The following LEF1 variants were observed in gnomAD, a reference collection of about 807,000 sequenced individuals.
The protein encoded by LEF1 is lymphoid enhancer binding factor 1, also known as lymphoid enhancer-binding factor 1.
LEF1 carries 14 observed loss-of-function variants against 51.2 expected under a neutral mutation model. That is an observed-to-expected ratio of 0.27 (90% CI 0.18 to 0.43). The LOEUF (loss-of-function observed/expected upper bound fraction) is 0.43, where lower values mean the gene tolerates loss of function less well. LEF1 is among the 20% of genes least tolerant of loss of function. The probability of loss-of-function intolerance (pLI) is 1.00; values close to 1 mark genes in which losing one functional copy is unlikely to be tolerated. For synonymous variants in LEF1, 185 were observed against 183.2 expected, an observed-to-expected ratio of 1.01 and a Z score of -0.08; for missense variants, 386 against 512.0, an observed-to-expected ratio of 0.75 and a Z score of 2.37.
chr4:108,097,525 G>T (rs1054106077), intron 3 of LEF1, among the ~76,000 whole-genome samples: 1 of 152,158 alleles, frequency 6.6e-6, no homozygotes, highest in African/African-American at 2.4e-5. Context: ...GCACAACAGC[G>T]TGACTATAGT....
At position 108,089,210 on chromosome 4, in the gene LEF1, G is replaced by T; in HGVS notation, c.462C>A (p.Leu154=). Residue 154 remains leucine (L), a synonymous_variant, in exon 4 of 12, where the codon CTC becomes CTA. Coordinates refer to ENST00000265165, the MANE Select transcript of LEF1 (RefSeq NM_016269.5). ...CGTCACTGTAAGTGATGAGGGGGGTGAGAGGATGGACCGCATGGGATGGCT... is the reference window on the plus strand; with the variant it reads ...CGTCACTGTAAGTGATGAGGGGGGTTAGAGGATGGACCGCATGGGATGGCT... ...VVQPSHAVHP[L]TPLITYSDEH... is the part of the protein sequence containing the mutation. 6.2e-7 allele frequency: 1 copy of T among 1,614,124 alleles called. No homozygotes were observed. Among genetic ancestry groups the T allele is most frequent in the Non-Finnish European group, 8.5e-7 (1 of 1,179,992 alleles).
intron 3 of LEF1, among the ~76,000 whole-genome samples, chr4:108,142,893 A>G (rs1489392743): frequency 6.6e-6 from 1 of 152,254 alleles, no homozygotes; most frequent in Non-Finnish European, 1.5e-5. Context: ...CTCGTTTAAC[A>G]AAGTCCCCTT....
rs1362947753 is a variant in LEF1 at position 108,102,707 on chromosome 4, G to A, written c.415-13450C>T. ...TACATACAGCAAATATGGAATAAGA[G>A]TCCTGTCTTATTCCAGTGGTCTGGA... On this transcript the variant is annotated intron_variant, in intron 3 of 11. Coordinates refer to ENST00000265165, the MANE Select transcript of LEF1 (RefSeq NM_016269.5). 2.0e-5 allele frequency among the ~76,000 whole-genome samples: 3 copies of A among 152,188 alleles called. No homozygotes were observed. In the East Asian group the frequency reaches 5.8e-4, roughly 29 times the overall value.
At position 108,105,584 on chromosome 4, in the gene LEF1, T is replaced by C. The variant is rs1456243864; in HGVS notation, c.415-16327A>G. On this transcript the variant is annotated intron_variant, in intron 3 of 11. Coordinates refer to ENST00000265165, the MANE Select transcript of LEF1 (RefSeq NM_016269.5). Reference sequence around the variant, plus strand: ...TCAAAAATTGTTTTTACCTCAAACATCTCCATTTTCCCAAGTGTTTTCAAA... The same window carrying C: ...TCAAAAATTGTTTTTACCTCAAACACCTCCATTTTCCCAAGTGTTTTCAAA... Among the ~76,000 whole-genome samples the C allele has an allele frequency of 3.3e-5, 5 of 152,316 alleles. No homozygotes were observed. In the East Asian group the frequency reaches 9.6e-4, roughly 29 times the overall value.
At chr4:108,163,545 T>G (rs1228411959) in intron 3 of LEF1, 23 bp downstream of exon 3, 1 of 1,604,742 alleles carries the variant, frequency 6.2e-7, no homozygotes, top group African/African-American at 1.3e-5. Flanking sequence ...GAACATAATT[T>G]GCAACATCAG....
At chr4:108,133,043 G>A (rs184581950) in intron 3 of LEF1, among the ~76,000 whole-genome samples, 8 of 151,474 alleles carry the variant, frequency 5.3e-5, no homozygotes, top group Admixed American at 2.6e-4. Flanking sequence ...GTGCAGTCTC[G>A]GCTCACTGCA....
intron 3 of LEF1, among the ~76,000 whole-genome samples, chr4:108,109,256 G>A (rs1274139769): frequency 2.0e-5 from 3 of 152,092 alleles, no homozygotes; most frequent in African/African-American, 4.8e-5. Flanking sequence ...GCACTTCCTC[G>A]GCGCTCAATT....
chr4:108,130,883 G>T (rs1274599917), intron 3 of LEF1, among the ~76,000 whole-genome samples: 2 of 151,936 alleles, frequency 1.3e-5, no homozygotes, highest in East Asian at 3.9e-4. Flanking sequence ...TTTTTTTCTT[G>T]AACAATATTA....
At chr4:108,146,409 C>T (rs1217368096) in intron 3 of LEF1, among the ~76,000 whole-genome samples, 1 of 152,188 alleles carries the variant, frequency 6.6e-6, no homozygotes, top group African/African-American at 2.4e-5. Flanking sequence ...TAGGTATGCA[C>T]TTGTGGTGCC....
intron 3 of LEF1, among the ~76,000 whole-genome samples, chr4:108,135,757 C>T (rs1743225432): frequency 6.6e-6 from 1 of 152,152 alleles, no homozygotes; most frequent in Admixed American, 6.5e-5. Context: ...ACTTGTAGCC[C>T]TCCTCCAGCC....
chr4:108,083,589 T>C, intron 4 of LEF1, 143 bp from the exon 5 acceptor site: 2 of 543,268 alleles, frequency 3.7e-6, no homozygotes, highest in Non-Finnish European at 6.3e-6. Flanking sequence ...AGGAGTCCAT[T>C]TGTTAGCTTT....
At chr4:108,083,300 A>T in intron 5 of LEF1, 56 bp downstream of exon 5, 2 of 1,163,482 alleles carry the variant, frequency 1.7e-6, no homozygotes, top group Non-Finnish European at 2.6e-6. Context: ...CCATGAATGG[A>T]AAGTGGAGGA....
chr4:108,087,658 G>A (rs1739740528), intron 4 of LEF1, among the ~76,000 whole-genome samples: 1 of 152,012 alleles, frequency 6.6e-6, no homozygotes, highest in Non-Finnish European at 1.5e-5. Context: ...GTTTCAAATA[G>A]GACCTAGGAC....
chr4:108,078,261 G>A lies in LEF1; in HGVS notation c.967C>T (p.Leu323=). Reference sequence around the variant, plus strand: ...TGGTTGATAGCTGCACTTTCTTTTAGAGTACACTCAGCAACGACATTCGCT... The same window carrying A: ...TGGTTGATAGCTGCACTTTCTTTTAAAGTACACTCAGCAACGACATTCGCT... The part of the protein sequence containing the change: ...MRANVVAECT[L]KESAAINQIL... Residue 323 remains leucine (L), a synonymous_variant, in exon 8 of 12, where the codon CTA becomes TTA. Transcript: ENST00000265165. 1 of 1,614,174 alleles carries A rather than the reference G, an allele frequency of 6.2e-7. No individual in the cohort carries two copies. Among genetic ancestry groups the A allele is most frequent in the Non-Finnish European group, 8.5e-7 (1 of 1,180,030 alleles).
chr4:108,096,210 C>A (rs978289014), intron 3 of LEF1, among the ~76,000 whole-genome samples: 2 of 151,808 alleles, frequency 1.3e-5, no homozygotes, highest in Non-Finnish European at 2.9e-5. Flanking sequence ...AAGAAAGGAC[C>A]ACCAGATTCT....
rs746194771 is a variant in LEF1 at position 108,165,087 on chromosome 4, G to C, written c.280+10C>G. ...TGCTAAAGTCAGAAGAAGTAGAATG[G>C]GTGTCTTACCGTCATCGGGGTGTTC... On this transcript the variant is annotated intron_variant, in intron 2 of 11. Coordinates refer to ENST00000265165, the MANE Select transcript of LEF1 (RefSeq NM_016269.5). 2 of 1,612,858 alleles carry C rather than the reference G, an allele frequency of 1.2e-6. No homozygotes were observed. The highest frequency in any genetic ancestry group is 1.7e-6 in the Non-Finnish European group (2 of 1,179,028).
intron 3 of LEF1, among the ~76,000 whole-genome samples, chr4:108,096,229 T>G (rs1344736756): frequency 6.6e-6 from 1 of 151,910 alleles, no homozygotes; most frequent in Non-Finnish European, 1.5e-5. Flanking sequence ...CTCACCAGAT[T>G]CTAAGGAGGC....
chr4:108,112,096 G>C (rs1373866736), intron 3 of LEF1, among the ~76,000 whole-genome samples: 3 of 152,202 alleles, frequency 2.0e-5, no homozygotes, highest in Admixed American at 1.3e-4. Context: ...GCAAAAAACA[G>C]TGGTAATGAC....
chr4:108,072,613 G>A (rs1738561553), intron 8 of LEF1, among the ~76,000 whole-genome samples: 1 of 152,102 alleles, frequency 6.6e-6, no homozygotes, highest in Admixed American at 6.5e-5. Flanking sequence ...CAGGTGATGT[G>A]CTTTTGTTTA....
Sources: gnomAD v4.1 joint callset for allele counts (sites outside exome capture counted in the v4.1 genomes callset) on GRCh38, gnomAD v4.1.1 for gene constraint, MANE v1.5 for transcripts, NCBI Gene and HGNC (gene_info 2026-07-23, HGNC 2026-07-21) for gene names.